Variants in WDR41 observed in about 807,000 individuals in gnomAD.
WDR41 encodes WD repeat domain 41, also known as WD repeat-containing protein 41.
In WDR41, 63 loss-of-function variants were observed where a neutral mutation model predicts 69.3. That is an observed-to-expected ratio of 0.91 (90% CI 0.74 to 1.12). The LOEUF is 1.12. Ranked by LOEUF, WDR41 falls within the 50% of genes most tolerant of loss-of-function variation. WDR41 has a pLI of 0.00. For synonymous variants in WDR41, 185 were observed against 192.1 expected, an observed-to-expected ratio of 0.96 and a Z score of 0.31; for missense variants, 543 against 534.5, an observed-to-expected ratio of 1.02 and a Z score of -0.16.
At chr5:77,437,451 A>C in intron 10 of WDR41, 27 bp from the exon 11 acceptor site, 1 of 1,594,520 alleles carries the variant, frequency 6.3e-7, no homozygotes, top group Non-Finnish European at 8.6e-7. Flanking sequence ...TCAGTAATAC[A>C]AAAAGAGCGC....
chr5:77,537,276 G>C (rs755130252), intron 1 of WDR41, among the ~76,000 whole-genome samples: 21 of 152,150 alleles, frequency 1.4e-4, no homozygotes, highest in Non-Finnish European at 2.1e-4. Flanking sequence ...AAGACACATA[G>C]GCCCAGAAAT....
chr5:77,552,849 A>G (rs1743322123), intron 1 of WDR41, among the ~76,000 whole-genome samples: 1 of 152,220 alleles, frequency 6.6e-6, no homozygotes, highest in South Asian at 2.1e-4. Context: ...ATGGGGAAAA[A>G]AACCCTAGAT....
chr5:77,441,970 A>C (rs2151293011), intron 8 of WDR41, among the ~76,000 whole-genome samples: 1 of 152,372 alleles, frequency 6.6e-6, no homozygotes, highest in East Asian at 1.9e-4. Flanking sequence ...TAATCAAAGA[A>C]ATCTAAAAAC....
At chr5:77,581,460 TCAA>T (rs1163789750) in intron 1 of WDR41, among the ~76,000 whole-genome samples, 2 of 151,982 alleles carry the variant, frequency 1.3e-5, no homozygotes, top group Non-Finnish European at 1.5e-5. Context: ...AGACAGAAAA[TCAA>T]CAAGAAGACA....
At chr5:77,604,506 T>C (rs1046891246) in intron 1 of WDR41, among the ~76,000 whole-genome samples, 1 of 152,224 alleles carries the variant, frequency 6.6e-6, no homozygotes, top group African/African-American at 2.4e-5. Flanking sequence ...GGCATTCTCA[T>C]AAATTGCTAT....
chr5:77,450,002 G>C (rs951130336), intron 7 of WDR41, 132 bp from the exon 8 acceptor site: 1 of 641,610 alleles, frequency 1.6e-6, no homozygotes, highest in African/African-American at 1.9e-5. Context: ...CCAAAAAAAA[G>C]CCTTATTCAT....
chr5:77,551,893 C>T (rs1439634450), intron 1 of WDR41, among the ~76,000 whole-genome samples: 2 of 150,828 alleles, frequency 1.3e-5, no homozygotes, highest in South Asian at 2.1e-4. Context: ...GCATGAGAAT[C>T]GCTTGAACTA....
chr5:77,468,713 A>T (rs1395461768), intron 2 of WDR41, among the ~76,000 whole-genome samples: 1 of 152,144 alleles, frequency 6.6e-6, no homozygotes, highest in Non-Finnish European at 1.5e-5. Context: ...AAAAAATAAA[A>T]ATCTTAATAC....
intron 1 of WDR41, among the ~76,000 whole-genome samples, chr5:77,530,324 T>C (rs1203696784): frequency 1.3e-5 from 2 of 151,674 alleles, no homozygotes; most frequent in African/African-American, 4.8e-5. Context: ...TGGACAAGAA[T>C]GTTGATTGCA....
intron 1 of WDR41, chr5:77,582,270 T>C: frequency 9.3e-7 from 1 of 1,072,308 alleles, no homozygotes; most frequent in Non-Finnish European, 1.4e-6. Context: ...AGACACAAAT[T>C]ACCAACTCTG....
intron 9 of WDR41, among the ~76,000 whole-genome samples, chr5:77,439,326 T>C (rs1449493433): frequency 6.6e-6 from 1 of 152,152 alleles, no homozygotes; most frequent in Non-Finnish European, 1.5e-5. Context: ...AGACCTATAG[T>C]AACTGAACCA....
At chr5:77,495,061 G>A (rs766202177), upstream of WDR41, among the ~76,000 whole-genome samples, 1 of 151,978 alleles carries the variant, frequency 6.6e-6, no homozygotes, top group Non-Finnish European at 1.5e-5. Context: ...AGAAAAAGCA[G>A]CACAAAAGAA....
At chr5:77,492,448 G>C (rs1429407622), upstream of WDR41, 2 of 479,358 alleles carry the variant, frequency 4.2e-6, no homozygotes, top group Non-Finnish European at 7.0e-6. Context: ...AGTCGCTTGG[G>C]GTGCGGCGGC....
At chr5:77,516,220 C>T (rs915204643) in intron 1 of WDR41, among the ~76,000 whole-genome samples, 7 of 152,040 alleles carry the variant, frequency 4.6e-5, no homozygotes, top group Non-Finnish European at 8.8e-5. Context: ...TTTTAATTTG[C>T]ATTTTTAGTT....
At chr5:77,614,548 G>A (rs1369407076) in intron 1 of WDR41, among the ~76,000 whole-genome samples, 12 of 144,350 alleles carry the variant, frequency 8.3e-5, no homozygotes, top group South Asian at 2.2e-4. Flanking sequence ...TCGCAAGGAC[G>A]AAAAACCAAA....
chr5:77,606,910 A>G (rs2112332755), intron 1 of WDR41, among the ~76,000 whole-genome samples: 1 of 151,784 alleles, frequency 6.6e-6, no homozygotes, highest in Non-Finnish European at 1.5e-5. Context: ...AAAAAGAAAA[A>G]AAAAAAAAAA....
intron 8 of WDR41, among the ~76,000 whole-genome samples, chr5:77,441,474 G>A (rs775610808): frequency 3.3e-5 from 5 of 151,946 alleles, no homozygotes; most frequent in African/African-American, 7.3e-5. Flanking sequence ...AACAAGGACC[G>A]GGCGAGGTAA....
chr5:77,613,967 T>A (rs972102922), intron 1 of WDR41, among the ~76,000 whole-genome samples: 5 of 151,942 alleles, frequency 3.3e-5, no homozygotes, highest in Admixed American at 2.0e-4. Context: ...CAAACAACCC[T>A]ATCAACAAGT....
intron 12 of WDR41, among the ~76,000 whole-genome samples, chr5:77,435,447 T>C (rs1451663628): frequency 6.6e-6 from 1 of 152,160 alleles, no homozygotes; most frequent in African/African-American, 2.4e-5. Flanking sequence ...ACTGTTTTCA[T>C]CTCTCTCTGT....
Sources: gnomAD v4.1 joint callset for allele counts (sites outside exome capture counted in the v4.1 genomes callset) on GRCh38, gnomAD v4.1.1 for gene constraint, MANE v1.5 for transcripts, NCBI Gene and HGNC (gene_info 2026-07-23, HGNC 2026-07-21) for gene names.